Variants in MACO1 observed in about 807,000 individuals in gnomAD.
MACO1 encodes macoilin.
A neutral mutation model predicts 78.7 loss-of-function variants in MACO1; 14 were observed. The ratio of observed to expected loss-of-function variants is 0.18; its 90% CI spans 0.12 to 0.28. MACO1 has a LOEUF of 0.28. MACO1 is among the 10% of genes least tolerant of loss of function. The probability of loss-of-function intolerance (pLI) is 1.00; values close to 1 mark genes in which losing one functional copy is unlikely to be tolerated. For synonymous variants in MACO1, 288 were observed against 291.6 expected (o/e 0.99, Z 0.12); for missense variants, 501 against 799.0 (o/e 0.63, Z 4.50).
chr1:25,449,657 T>G (rs1349970497), intron 3 of MACO1, among the ~76,000 whole-genome samples: 1 of 152,190 alleles, frequency 6.6e-6, no homozygotes, highest in African/African-American at 2.4e-5. Flanking sequence ...CACAGCTTGC[T>G]GATTTCTTAG....
chr1:25,444,980 A>G (rs556297597), intron 1 of MACO1, among the ~76,000 whole-genome samples: 1 of 152,064 alleles, frequency 6.6e-6, no homozygotes, highest in East Asian at 1.9e-4. Flanking sequence ...GCAGAACTCT[A>G]GTGAAATGAA....
Position 25,500,042 on chromosome 1 carries a change from A to G in MACO1, c.*1576A>G, listed in dbSNP as rs990573535. ...AAAGTGTTACTCAGAATTGTCATAGATTTTCTCTTCTTTGTGCAAAAACAT... is the reference window on the plus strand; with the variant it reads ...AAAGTGTTACTCAGAATTGTCATAGGTTTTCTCTTCTTTGTGCAAAAACAT... On this transcript the variant is annotated 3_prime_UTR_variant, in exon 11 of 11. Transcript: ENST00000374343. 2.6e-5 allele frequency: 4 copies of G among 152,060 alleles called. No homozygotes were observed. The highest frequency in any genetic ancestry group is 5.9e-5 in the Non-Finnish European group (4 of 67,988). 9.4% of individuals were successfully genotyped at this position (152,060 alleles called of 1,614,324 possible).
intron 1 of MACO1, among the ~76,000 whole-genome samples, chr1:25,431,509 C>G (rs1461631999): frequency 1.3e-5 from 2 of 151,802 alleles, no homozygotes; most frequent in African/African-American, 2.4e-5. Flanking sequence ...CCGGCCATGC[C>G]GCTGGGCCGG....
At position 25,486,320 on chromosome 1, in the gene MACO1, GATGGAATTACATTT is replaced by G. The variant is rs2043430829; in HGVS notation, c.1496+530_1496+543del. 3.9e-5 allele frequency among the ~76,000 whole-genome samples: 6 copies of G among 152,182 alleles called. No individual in the cohort carries two copies. The South Asian group carries it at 1.2e-3, about 32-fold the overall frequency. On this transcript the variant is annotated intron_variant, in intron 8 of 10. Coordinates refer to ENST00000374343, the MANE Select transcript of MACO1 (RefSeq NM_018202.6). Reference sequence around the variant, plus strand: ...AAAAGTGAAACATAAGTCTCTACTAGATGGAATTACATTTATGGCATAATGAAAATTGGGGACTA... The same window carrying G: ...AAAAGTGAAACATAAGTCTCTACTAGATGGCATAATGAAAATTGGGGACTA...
intron 10 of MACO1, among the ~76,000 whole-genome samples, chr1:25,496,422 A>G (rs2043537690): frequency 6.6e-6 from 1 of 152,174 alleles, no homozygotes; most frequent in Non-Finnish European, 1.5e-5. Context: ...TGTTGGGATT[A>G]CAGGCATTAG....
At chr1:25,489,118 G>A in intron 8 of MACO1, 55 bp from the exon 9 acceptor site, 1 of 1,571,578 alleles carries the variant, frequency 6.4e-7, no homozygotes. Flanking sequence ...ACAGGGCCCA[G>A]CCCCAACCTA....
At chr1:25,434,655 TA>T (rs2124565806) in intron 1 of MACO1, among the ~76,000 whole-genome samples, 1 of 152,342 alleles carries the variant, frequency 6.6e-6, no homozygotes, top group East Asian at 1.9e-4. Flanking sequence ...TATGATAAAG[TA>T]GACAGTTGCC....
intron 6 of MACO1, among the ~76,000 whole-genome samples, chr1:25,482,241 A>G (rs1035465331): frequency 2.6e-5 from 4 of 152,188 alleles, no homozygotes; most frequent in African/African-American, 9.7e-5. Context: ...TTCTAAATAA[A>G]TATTGTTATT....
At chr1:25,446,292 A>T (rs2043014914) in intron 1 of MACO1, among the ~76,000 whole-genome samples, 1 of 152,220 alleles carries the variant, frequency 6.6e-6, no homozygotes, top group Non-Finnish European at 1.5e-5. Flanking sequence ...GGGGAAAAAA[A>T]GACAGAATTC....
chr1:25,455,671 C>T (rs1003427622), intron 4 of MACO1, among the ~76,000 whole-genome samples: 1 of 152,104 alleles, frequency 6.6e-6, no homozygotes, highest in Non-Finnish European at 1.5e-5. Flanking sequence ...GTTCTAAGTA[C>T]AGCTGGTTTA....
In MACO1 at chr1:25,491,536, C is replaced by T. The variant is rs765853308; in HGVS notation, c.1744C>T (p.Leu582=). The change falls in exon 10 of 11, where the codon CTG becomes TTG. Residue 582 remains leucine (L), a synonymous_variant. Coordinates refer to ENST00000374343, the MANE Select transcript of MACO1 (RefSeq NM_018202.6). The stretch of plus-strand genomic sequence containing the variant: ...TGCAGAGACGAGAATCAAGCTGGAC[C>T]TGTTCTCCGCACTGGGCGATGCAAA... ...LSAETRIKLD[L]FSALGDAKRQ... is the part of the protein sequence containing the mutation. The T allele has an allele frequency of 6.2e-7, 1 of 1,614,144 alleles. No homozygotes were observed. The highest frequency in any genetic ancestry group is 2.2e-5 in the East Asian group (1 of 44,898).
chr1:25,432,246 A>C (rs2042881931), intron 1 of MACO1, among the ~76,000 whole-genome samples: 1 of 152,174 alleles, frequency 6.6e-6, no homozygotes, highest in East Asian at 1.9e-4. Context: ...AGCTGATGAC[A>C]CCCAAGTTGT....
At position 25,489,661 on chromosome 1, in the gene MACO1, C is replaced by T. The variant is rs566441793; in HGVS notation, c.1617+368C>T. 3.3e-5 allele frequency among the ~76,000 whole-genome samples: 5 copies of T among 152,310 alleles called. No individual in the cohort carries two copies. The South Asian group carries it at 8.3e-4, about 25-fold the overall frequency. On this transcript the variant is annotated intron_variant, in intron 9 of 10. Coordinates refer to ENST00000374343, the MANE Select transcript of MACO1 (RefSeq NM_018202.6). ...TTTCTATTGCCAGGGGACTGACCCT[C>T]CTGCATGGCTCTGAGCCTTGCAGAT...
intron 6 of MACO1, among the ~76,000 whole-genome samples, chr1:25,459,127 T>C (rs1055696305): frequency 2.6e-5 from 4 of 152,358 alleles, no homozygotes; most frequent in African/African-American, 9.6e-5. Flanking sequence ...ATGTGACAAA[T>C]TGACCTGTAA....
intron 10 of MACO1, among the ~76,000 whole-genome samples, chr1:25,491,962 C>A (rs1168271647): frequency 2.6e-5 from 4 of 152,074 alleles, no homozygotes; most frequent in Non-Finnish European, 5.9e-5. Context: ...AGGGCCTCTC[C>A]CCAGGGGAGC....
At chr1:25,444,497 T>C (rs989103837) in intron 1 of MACO1, among the ~76,000 whole-genome samples, 11 of 152,138 alleles carry the variant, frequency 7.2e-5, no homozygotes, top group Admixed American at 5.9e-4. Context: ...AAAAAAACTC[T>C]TAGTTTTAAA....
intron 1 of MACO1, among the ~76,000 whole-genome samples, chr1:25,445,752 C>G (rs1415097940): frequency 6.6e-6 from 1 of 151,932 alleles, no homozygotes; most frequent in African/African-American, 2.4e-5. Context: ...ATTTGTATTA[C>G]AAAATACCGT....
intron 1 of MACO1, among the ~76,000 whole-genome samples, chr1:25,433,037 T>C (rs2042889389): frequency 6.6e-6 from 1 of 152,230 alleles, no homozygotes; most frequent in South Asian, 2.1e-4. Flanking sequence ...TAAATACTCT[T>C]TGCAAGTTAT....
intron 1 of MACO1, 52 bp downstream of exon 1, chr1:25,431,230 A>T: frequency 2.1e-6 from 3 of 1,414,576 alleles, no homozygotes; most frequent in Non-Finnish European, 2.9e-6. Context: ...GTCCCCCTCC[A>T]GCTCCGAGGG....
Sources: gnomAD v4.1 joint callset for allele counts (sites outside exome capture counted in the v4.1 genomes callset) on GRCh38, gnomAD v4.1.1 for gene constraint, MANE v1.5 for transcripts, NCBI Gene and HGNC (gene_info 2026-07-23, HGNC 2026-07-21) for gene names.